FAT1: variants seen among roughly 807,000 people sequenced by gnomAD.
The protein encoded by FAT1 is FAT atypical cadherin 1.
A neutral mutation model predicts 329.8 loss-of-function variants in FAT1; 171 were observed. That is an observed-to-expected ratio of 0.52 (90% confidence interval 0.46 to 0.59). The LOEUF is 0.59. Ranked by LOEUF, FAT1 falls within the 20% of genes least tolerant of loss-of-function variation. The pLI is 0.00. For synonymous variants in FAT1, 2,233 were observed against 2,228.6 expected (o/e 1.00, Z -0.06); for missense variants, 5,672 against 5,774.4 (o/e 0.98, Z 0.57).
Position 186,588,629 on chromosome 4 carries a change from A to ATTCCCCGCCG in FAT1, c.13729_13730insCGGCGGGGAA (p.Ile4577ThrfsTer25). The ATTCCCCGCCG allele has an allele frequency of 6.2e-7, 1 of 1,613,566 alleles. No homozygotes were observed. The highest frequency in any genetic ancestry group is 1.1e-5 in the South Asian group (1 of 91,038). ...GTGCTGCTGGGAATCCAGGGGCGGGATCGTCACCTCTTCGAAGTGGCCGTC... is the reference window on the plus strand; with the variant it reads ...GTGCTGCTGGGAATCCAGGGGCGGGATTCCCCGCCGTCGTCACCTCTTCGAAGTGGCCGTC... On this transcript the variant is annotated frameshift_variant, in exon 27 of 27. Coordinates refer to ENST00000441802, the MANE Select transcript of FAT1 (RefSeq NM_005245.4). LOFTEE classifies it high-confidence loss of function.
In FAT1 at chr4:186,600,354, G is replaced by T; in HGVS notation, c.11647C>A (p.His3883Asn). 6.2e-7 allele frequency: 1 copy of T among 1,609,548 alleles called. No homozygotes were observed. The highest frequency in any genetic ancestry group is 1.1e-5 in the South Asian group (1 of 90,120). Residue 3883 changes from histidine to asparagine, a missense_variant, in exon 22 of 27, where the codon CAT (histidine) becomes AAT (asparagine). By Grantham distance (68) the His-to-Asn change is moderately conservative. Transcript: ENST00000441802. ...TCAAACTTGTACTGCAGCCTTCCAT[G>T]ATGAATCTAGGATAAAAGCAATGAC... ...GTDYSILEIH[H>N]GRLQYKFDCG...
chr4:186,724,922 A>C (rs981794288), upstream of FAT1, among the ~76,000 whole-genome samples: 1 of 152,190 alleles, frequency 6.6e-6, no homozygotes, highest in Admixed American at 6.5e-5. This position sits in a 1 kb window ranked among gnomAD's most constrained non-coding sequence, Gnocchi z 5.3. Flanking sequence ...TCAAGTGTGA[A>C]AGAGAATTTC....
chr4:186,614,120 G>C lies in FAT1; in HGVS notation c.9229+71C>G, dbSNP rs1739590918. On this transcript the variant is annotated intron_variant, in intron 12 of 26. Coordinates refer to ENST00000441802, the MANE Select transcript of FAT1 (RefSeq NM_005245.4). ...AAATGTAATTTCAAATTTTGTGTGT[G>C]ATCTAAAATCACCCACATATATGAT... The C allele has an allele frequency of 3.8e-6, 5 of 1,322,042 alleles. No individual in the cohort carries two copies. In the South Asian group the frequency reaches 4.4e-5, roughly 12 times the overall value. The allele number at this position is 1,322,042 out of a possible 1,614,324, so 81.9% of individuals were successfully genotyped here.
intron 4 of FAT1, among the ~76,000 whole-genome samples, chr4:186,638,228 A>G (rs72716273): frequency 0.2 from 30,627 of 152,246 alleles, 3,903 homozygotes; most frequent in Non-Finnish European, 0.29. Flanking sequence ...TTTCCCATCC[A>G]TGTCCAAATA....
At chr4:186,611,868 G>C (rs1466712431) in intron 13 of FAT1, 93 bp from the exon 14 acceptor site, 1 of 975,892 alleles carries the variant, frequency 1.0e-6, no homozygotes, top group African/African-American at 1.7e-5. Flanking sequence ...CTGTCGCCCA[G>C]GCTGGAGTGC....
rs1744732037 is a variant in FAT1, at chr4:186,708,076, C to T, written c.1752G>A (p.Val584=). 6.2e-7 allele frequency: 1 copy of T among 1,613,804 alleles called. No individual in the cohort carries two copies. The highest frequency in any genetic ancestry group is 1.1e-5 in the South Asian group (1 of 91,074). The change falls in exon 2 of 27, where the codon GTG becomes GTA. Residue 584 remains valine (V), a synonymous_variant. Transcript: ENST00000441802. Reference sequence around the variant, plus strand: ...CAGAAACAGTGGTTATTTGCTCTCCCACGCCTAGATCTCTGGGAATTGTCC... The same window carrying T: ...CAGAAACAGTGGTTATTTGCTCTCCTACGCCTAGATCTCTGGGAATTGTCC... The part of the protein sequence containing the change: ...CEGTIPRDLG[V]GEQITTVSAI...
chr4:186,666,773 T>A (rs1235865669), intron 2 of FAT1, among the ~76,000 whole-genome samples: 1 of 152,212 alleles, frequency 6.6e-6, no homozygotes, highest in African/African-American at 2.4e-5. Flanking sequence ...TCTTATATAA[T>A]CTTTACATCC....
chr4:186,600,049 C>A lies in FAT1; in HGVS notation c.11952G>T (p.Gly3984=), dbSNP rs2126411117. 6.2e-7 allele frequency: 1 copy of A among 1,613,980 alleles called. No individual in the cohort carries two copies. The highest frequency in any genetic ancestry group is 1.1e-5 in the South Asian group (1 of 91,082). The change falls in exon 22 of 27, where the codon GGG becomes GGT. Residue 3984 remains glycine (G), a synonymous_variant. Coordinates refer to ENST00000441802, the MANE Select transcript of FAT1 (RefSeq NM_005245.4). ...RGCMDSIYLN[G]QELPLNSKPR... is the part of the protein sequence containing the mutation. Reference sequence around the variant, plus strand: ...GTTTGCTGTTTAAAGGGAGCTCCTGCCCATTCAAATAAATGGAGTCCATAC... The same window carrying A: ...GTTTGCTGTTTAAAGGGAGCTCCTGACCATTCAAATAAATGGAGTCCATAC...
chr4:186,601,145 T>C (rs1738796034), intron 21 of FAT1, 124 bp downstream of exon 21: 3 of 898,996 alleles, frequency 3.3e-6, no homozygotes, highest in Admixed American at 5.7e-5. Flanking sequence ...CAATGAATTA[T>C]TTAAATGTGG....
At chr4:186,684,207 T>C (rs1355038201) in intron 2 of FAT1, among the ~76,000 whole-genome samples, 5 of 152,238 alleles carry the variant, frequency 3.3e-5, no homozygotes, top group Admixed American at 1.3e-4. Flanking sequence ...CAGGTCATTA[T>C]GAACTATGGG....
At chr4:186,647,286 A>G (rs1226457898) in intron 3 of FAT1, among the ~76,000 whole-genome samples, 2 of 152,182 alleles carry the variant, frequency 1.3e-5, no homozygotes, top group African/African-American at 4.8e-5. Context: ...TAGGCATTTT[A>G]TATGCGTCAC....
At chr4:186,610,407 T>C (rs984675993) in intron 14 of FAT1, among the ~76,000 whole-genome samples, 5 of 151,850 alleles carry the variant, frequency 3.3e-5, no homozygotes, top group African/African-American at 4.8e-5. Context: ...TTGTCTCATC[T>C]TTTTAAAATA....
At chr4:186,591,673 C>G (rs1280736290) in intron 26 of FAT1, among the ~76,000 whole-genome samples, 1 of 152,150 alleles carries the variant, frequency 6.6e-6, no homozygotes, top group Non-Finnish European at 1.5e-5. Flanking sequence ...CTTCACTAGA[C>G]AAAATACAGG....
intron 2 of FAT1, among the ~76,000 whole-genome samples, chr4:186,701,500 A>G (rs1744308920): frequency 6.6e-6 from 1 of 152,102 alleles, no homozygotes. Flanking sequence ...TCACCAGCAC[A>G]TTTTTTAACT....
rs2126395971 is a variant in FAT1 at position 186,597,163 on chromosome 4, C to T, written c.12377G>A (p.Ser4126Asn). ...DSGFRGERCQ[S>N]DIDECSGNPC... is the part of the protein sequence containing the mutation. Reference sequence around the variant, plus strand: ...GTTTCCAGAGCACTCGTCGATATCACTCTGACACCTGCCAAGGAAGTCAGG... The same window carrying T: ...GTTTCCAGAGCACTCGTCGATATCATTCTGACACCTGCCAAGGAAGTCAGG... Residue 4126 changes from serine (S) to asparagine (N), a missense_variant, in exon 25 of 27, where the codon AGT becomes AAT. Transcript: ENST00000441802. The T allele has an allele frequency of 6.2e-7, 1 of 1,602,812 alleles. No individual in the cohort carries two copies. Among genetic ancestry groups the T allele is most frequent in the Non-Finnish European group, 8.5e-7 (1 of 1,174,052 alleles).
chr4:186,594,926 A>C (rs552795718), intron 26 of FAT1, among the ~76,000 whole-genome samples: 1 of 152,072 alleles, frequency 6.6e-6, no homozygotes, highest in African/African-American at 2.4e-5. Context: ...TATACAATAA[A>C]AATTATCATT....
At chr4:186,603,120 CAAAG>C in intron 19 of FAT1, 52 bp downstream of exon 19, 2 of 1,608,076 alleles carry the variant, frequency 1.2e-6, no homozygotes, top group Non-Finnish European at 1.7e-6. Flanking sequence ...TCAAAGGCTT[CAAAG>C]GCCGTCTGAA....
chr4:186,697,579 T>G (rs985661180), intron 2 of FAT1, among the ~76,000 whole-genome samples: 2 of 152,220 alleles, frequency 1.3e-5, no homozygotes, highest in Non-Finnish European at 2.9e-5. Context: ...CTAAATCATT[T>G]CAGGCACATG....
intron 3 of FAT1, among the ~76,000 whole-genome samples, chr4:186,646,318 C>G (rs977671547): frequency 1.3e-5 from 2 of 152,130 alleles, no homozygotes; most frequent in East Asian, 1.9e-4. Flanking sequence ...TTTCCTCTAC[C>G]CCCTGCAATG....
Sources: allele counts gnomAD v4.1 joint callset (sites outside exome capture counted in the v4.1 genomes callset), GRCh38; gene constraint gnomAD v4.1.1; non-coding constraint Gnocchi (gnomAD v3.1); transcripts MANE v1.5; gene names NCBI Gene and HGNC (gene_info 2026-07-23, HGNC 2026-07-21).